The following LRP1B variants were observed in gnomAD, a reference collection of about 807,000 sequenced individuals.
LRP1B encodes LDL receptor related protein 1B.
Under a neutral mutation model 556.6 loss-of-function variants are expected in LRP1B, and 217 were observed. The ratio of observed to expected loss-of-function variants is 0.39; its 90% CI spans 0.35 to 0.44. LRP1B has a LOEUF of 0.44. LRP1B is among the 20% of genes least tolerant of loss of function. The pLI is 1.00. For missense variants in LRP1B, 5,053 were observed against 5,620.8 expected, an observed-to-expected ratio of 0.90 and a Z score of 3.23; for synonymous variants, 2,047 against 1,865.8, an observed-to-expected ratio of 1.10 and a Z score of -2.50.
rs543218119 is a variant in LRP1B, at chr2:141,773,102, GACTA to G, written c.205+37173_205+37176del. ...AGATAAATTTGTATTTAATTTAAAA[GACTA>G]ACTATCTTCAGTTATTTTCTAGTTG... On this transcript the variant is annotated intron_variant, in intron 2 of 90. Coordinates refer to ENST00000389484, the MANE Select transcript of LRP1B (RefSeq NM_018557.3). 2.1e-4 allele frequency among the ~76,000 whole-genome samples: 32 copies of G among 152,256 alleles called. 1 individual carries two copies. The highest frequency in any genetic ancestry group is 1.5e-3 in the South Asian group (7 of 4,824).
At chr2:140,927,138 C>T (rs1694909597) in intron 20 of LRP1B, among the ~76,000 whole-genome samples, 1 of 152,116 alleles carries the variant, frequency 6.6e-6, no homozygotes, top group Admixed American at 6.6e-5. Context: ...AGCCCCATCT[C>T]TACTAAATAT....
Position 141,219,661 on chromosome 2 carries a change from CCT to C in LRP1B, c.850+9520_850+9521del, listed in dbSNP as rs1275799154. ...ACATCCCAACAAGGGCCATGAGACA[CCT>C]CATACCAGAGTGTTTTGGCTGGTAT... On this transcript the variant is annotated intron_variant, in intron 6 of 90. Transcript: ENST00000389484. Among the ~76,000 whole-genome samples, 4 of 152,118 alleles carry C rather than the reference CCT, an allele frequency of 2.6e-5. No individual in the cohort carries two copies. In the South Asian group the frequency reaches 8.3e-4, roughly 32 times the overall value.
intron 11 of LRP1B, among the ~76,000 whole-genome samples, chr2:141,026,386 C>T (rs924054868): frequency 2.6e-5 from 4 of 151,936 alleles, no homozygotes; most frequent in African/African-American, 9.7e-5. Flanking sequence ...GTTTACTGAA[C>T]TTTAAAAAAG....
At chr2:141,370,138 C>A (rs1266197239) in intron 3 of LRP1B, among the ~76,000 whole-genome samples, 1 of 152,014 alleles carries the variant, frequency 6.6e-6, no homozygotes, top group Non-Finnish European at 1.5e-5. Flanking sequence ...GTAATTATTT[C>A]TTTTCCTTGA....
chr2:142,025,582 C>A (rs1703476280), intron 1 of LRP1B, among the ~76,000 whole-genome samples: 1 of 152,082 alleles, frequency 6.6e-6, no homozygotes, highest in African/African-American at 2.4e-5. Context: ...AATAACAGAA[C>A]AATTAACTCT....
At chr2:141,224,575 T>C (rs1393306232) in intron 6 of LRP1B, among the ~76,000 whole-genome samples, 1 of 152,142 alleles carries the variant, frequency 6.6e-6, no homozygotes, top group East Asian at 1.9e-4. Flanking sequence ...TCAACCCGAA[T>C]GCCCATCAAT....
At chr2:141,199,987 T>C (rs548391638) in intron 6 of LRP1B, among the ~76,000 whole-genome samples, 1 of 152,320 alleles carries the variant, frequency 6.6e-6, no homozygotes, top group African/African-American at 2.4e-5. Flanking sequence ...GAGTGTTAAC[T>C]AGTTCAACCA....
intron 57 of LRP1B, among the ~76,000 whole-genome samples, chr2:140,489,954 T>A (rs1031508991): frequency 6.6e-6 from 1 of 152,082 alleles, no homozygotes; most frequent in Non-Finnish European, 1.5e-5. Context: ...AACATATCTA[T>A]CTAGCCAAGC....
rs190258704 is a variant in LRP1B, at chr2:141,569,236, A to G, written c.206-88703T>C. On this transcript the variant is annotated intron_variant, in intron 2 of 90. Coordinates refer to ENST00000389484, the MANE Select transcript of LRP1B (RefSeq NM_018557.3). ...TAAGAGGTAGAGAAAAATCGCTACA[A>G]TGTCTCAAAAAGGGGAACATATTTC... Among the ~76,000 whole-genome samples the G allele has an allele frequency of 4.7e-4, 71 of 151,224 alleles. 3 individuals are homozygous for G. Among genetic ancestry groups the G allele is most frequent in the Middle Eastern group, 3.4e-3 (1 of 294 alleles).
chr2:141,049,556 T>C (rs1205708327), intron 10 of LRP1B, among the ~76,000 whole-genome samples: 1 of 152,088 alleles, frequency 6.6e-6, no homozygotes, highest in Non-Finnish European at 1.5e-5. Flanking sequence ...AATTTTATAA[T>C]GTATTATAAT....
chr2:140,435,762 A>G (rs1479273239), intron 66 of LRP1B, among the ~76,000 whole-genome samples: 1 of 152,130 alleles, frequency 6.6e-6, no homozygotes, highest in Non-Finnish European at 1.5e-5. Context: ...ATTGGATGAA[A>G]GCTATGAAAA....
At chr2:141,445,158 G>A (rs1250257912) in intron 3 of LRP1B, among the ~76,000 whole-genome samples, 6 of 152,158 alleles carry the variant, frequency 3.9e-5, no homozygotes, top group Non-Finnish European at 7.3e-5. Context: ...AGTATTGGGA[G>A]GGTGTATGTG....
rs546747325 is a variant in LRP1B, at chr2:140,657,844, C to T, written c.6799+42406G>A. 2.0e-5 allele frequency among the ~76,000 whole-genome samples: 3 copies of T among 151,818 alleles called. No individual in the cohort carries two copies. The East Asian group carries it at 5.8e-4, about 29-fold the overall frequency. On this transcript the variant is annotated intron_variant, in intron 41 of 90. Transcript: ENST00000389484. ...TATTTACTGATGTAATAGCCTGTTG[C>T]CTGGAATTTGTTTCGAAGTAACCCG... is the stretch of plus-strand genomic sequence containing the variant.
At chr2:141,035,382 C>T (rs549986925) in intron 11 of LRP1B, among the ~76,000 whole-genome samples, 1 of 151,492 alleles carries the variant, frequency 6.6e-6, no homozygotes, top group Non-Finnish European at 1.5e-5. Context: ...ATAAAAAAAT[C>T]TTTTCAGTAT....
chr2:140,497,089 G>C (rs1017536500), intron 55 of LRP1B, among the ~76,000 whole-genome samples: 2 of 151,766 alleles, frequency 1.3e-5, no homozygotes, highest in African/African-American at 4.8e-5. Flanking sequence ...AAGCATCCAA[G>C]TAACATCAAT....
At chr2:141,754,374 A>G (rs1006011101) in intron 2 of LRP1B, among the ~76,000 whole-genome samples, 14 of 152,304 alleles carry the variant, frequency 9.2e-5, no homozygotes, top group African/African-American at 3.4e-4. Flanking sequence ...AGATTTGGAA[A>G]TGCATGGATT....
chr2:141,691,474 A>ACC (rs1691529184), intron 2 of LRP1B, among the ~76,000 whole-genome samples: 1 of 151,402 alleles, frequency 6.6e-6, no homozygotes, highest in Non-Finnish European at 1.5e-5. Context: ...CAACACACAC[A>ACC]CACACACACA....
intron 55 of LRP1B, among the ~76,000 whole-genome samples, chr2:140,497,598 G>A (rs541758762): frequency 6.6e-5 from 10 of 151,888 alleles, no homozygotes; most frequent in South Asian, 2.1e-4. Flanking sequence ...TTGTGTAGTC[G>A]GAAGCCAGAG....
chr2:140,426,263 C>T (rs1419645449), intron 66 of LRP1B, among the ~76,000 whole-genome samples: 1 of 152,130 alleles, frequency 6.6e-6, no homozygotes, highest in East Asian at 1.9e-4. Context: ...AAAAGCTAAG[C>T]TGTAATTATT....
Sources: gnomAD v4.1 joint callset for allele counts (sites outside exome capture counted in the v4.1 genomes callset) on GRCh38, gnomAD v4.1.1 for gene constraint, MANE v1.5 for transcripts, NCBI Gene and HGNC (gene_info 2026-07-23, HGNC 2026-07-21) for gene names.